Variants in TTN observed in about 807,000 individuals in gnomAD.
TTN encodes titin, also known as connectin.
TTN carries 1,525 observed loss-of-function variants against 3,223.0 expected under a neutral mutation model. The ratio of observed to expected loss-of-function variants is 0.47; its 90% CI spans 0.45 to 0.49. The LOEUF is 0.49. TTN is among the 20% of genes least tolerant of loss of function. TTN has a pLI of 0.00. For synonymous variants in TTN, 14,094 were observed against 15,161.0 expected (o/e 0.93, Z 5.17); for missense variants, 40,786 against 43,424.0 (o/e 0.94, Z 5.40).
rs745394428 is a variant in TTN, at chr2:178,789,353, T to C, written c.2076+7A>G. On this transcript the variant is annotated splice_region_variant and intron_variant, in intron 13 of 362. Transcript: ENST00000589042. ...GGGGATTTCACACTTGGAACAACAA[T>C]AGTCACCTTTCCATGGGTAACTTGG... The C allele has an allele frequency of 3.7e-6, 6 of 1,613,158 alleles. No individual in the cohort carries two copies. The highest frequency in any genetic ancestry group is 3.3e-4 in the Middle Eastern group (2 of 6,042).
chr2:178,607,209 C>G lies in TTN; in HGVS notation c.53393G>C (p.Gly17798Ala). 1 of 1,612,904 alleles carries G rather than the reference C, an allele frequency of 6.2e-7. No homozygotes were observed. The highest frequency in any genetic ancestry group is 8.5e-7 in the Non-Finnish European group (1 of 1,179,288). ...GGCATCTTTTCTTTCAATGATAAAGCCTGTTATTTCACTTCCTCCATCATC... is the reference window on the plus strand; with the variant it reads ...GGCATCTTTTCTTTCAATGATAAAGGCTGTTATTTCACTTCCTCCATCATC... ...PEDDGGSEIT[G>A]FIIERKDAKM... The change falls in exon 278 of 363, where the codon GGC becomes GCC. Residue 17798 changes from glycine (G) to alanine (A), a missense_variant. Transcript: ENST00000589042.
chr2:178,551,783 T>G lies in TTN; in HGVS notation c.91117A>C (p.Lys30373Gln). The change falls in exon 335 of 363, where the codon AAA (lysine) becomes CAA (glutamine). Residue 30373 changes from lysine to glutamine, a missense_variant. Coordinates refer to ENST00000589042, the MANE Select transcript of TTN (RefSeq NM_001267550.2). ...CCAGAGATTGGTGATGTATTAACTT[T>G]TTGCCAGAGGATGCTATTTCTTTCT... is the stretch of plus-strand genomic sequence containing the variant. ...KKERNSILWQ[K>Q]VNTSPISGRE... 6.2e-7 allele frequency: 1 copy of G among 1,613,856 alleles called. No homozygotes were observed. The highest frequency in any genetic ancestry group is 1.1e-5 in the South Asian group (1 of 91,080).
At chr2:178,800,091 C>A (rs1001692415) in intron 4 of TTN, among the ~76,000 whole-genome samples, 181 bp from the exon 5 acceptor site, 1 of 152,186 alleles carries the variant, frequency 6.6e-6, no homozygotes, top group African/African-American at 2.4e-5. Context: ...ATGTTCATTA[C>A]AAGATAAAAA....
In TTN at chr2:178,728,676, T is replaced by G; in HGVS notation, c.19250A>C (p.Lys6417Thr). Residue 6417 changes from lysine (K) to threonine (T), a missense_variant, in exon 66 of 363, where the codon AAA becomes ACA. Physicochemically the swap from Lys to Thr is moderately conservative, Grantham distance 78. Transcript: ENST00000589042. ...TATTTGTTTCCCGTCTTTAAGCCAT[T>G]TCACTTTGAGTTCTGGTGTTCCAGC... ...VVAGTPELKV[K>T]WLKDGKQIVP... is the part of the protein sequence containing the mutation. 1 of 1,613,426 alleles carries G rather than the reference T, an allele frequency of 6.2e-7. No individual in the cohort carries two copies. Among genetic ancestry groups the G allele is most frequent in the Non-Finnish European group, 8.5e-7 (1 of 1,179,572 alleles).
chr2:178,768,776 C>A lies in TTN; in HGVS notation c.9060G>T (p.Lys3020Asn), dbSNP rs2090976989. The A allele has an allele frequency of 6.2e-7, 1 of 1,614,098 alleles. No homozygotes were observed. ...TCCTGATGTTCAGTGAGTGTGTGAG[C>A]TTTTTGGTTCTCATCTGGCACTTGT... is the stretch of plus-strand genomic sequence containing the variant. ...STDKCQMRTK[K>N]LTHSLNIRNV... Residue 3020 changes from lysine to asparagine, a missense_variant, in exon 38 of 363, where the codon AAG becomes AAT. By Grantham distance (94) the Lys-to-Asn change is moderately conservative (BLOSUM62 0). Coordinates refer to ENST00000589042, the MANE Select transcript of TTN (RefSeq NM_001267550.2).
At chr2:178,677,408 G>A (rs2068342873) in intron 146 of TTN, 121 bp from the exon 147 acceptor site, 1 of 599,864 alleles carries the variant, frequency 1.7e-6, no homozygotes, top group Non-Finnish European at 2.4e-6. Flanking sequence ...AACATAATAT[G>A]TGATTTGAAA....
intron 40 of TTN, 40 bp downstream of exon 40, chr2:178,767,719 T>C: frequency 6.2e-7 from 1 of 1,608,526 alleles, no homozygotes; most frequent in Non-Finnish European, 8.5e-7. Context: ...GATTATGGAC[T>C]ACTGATGATT....
chr2:178,547,791 T>C lies in TTN; in HGVS notation c.93835A>G (p.Met31279Val), dbSNP rs765117891. The change falls in exon 339 of 363, where the codon ATG becomes GTG. Residue 31279 changes from methionine to valine, a missense_variant. By Grantham distance (21) the Met-to-Val change is conservative. Transcript: ENST00000589042. ...AAGTATCTTCCAGAGTCACCTCTCA[T>C]GCTGTCCTTTACAGTCAGTGTGGTT... is the stretch of plus-strand genomic sequence containing the variant. ...DRTTLTVKDS[M>V]RGDSGRYFLT... 12 of 1,613,822 alleles carry C rather than the reference T, an allele frequency of 7.4e-6. No individual in the cohort carries two copies. Among genetic ancestry groups the C allele is most frequent in the African/African-American group, 1.3e-5 (1 of 74,938 alleles).
intron 106 of TTN, 122 bp downstream of exon 106, chr2:178,704,025 T>C: frequency 1.6e-6 from 2 of 1,274,588 alleles, no homozygotes; most frequent in Non-Finnish European, 2.1e-6. Context: ...AGAACGTGTG[T>C]TGGGAAATAA....
At chr2:178,703,235 T>C (rs1577685238) in intron 106 of TTN, among the ~76,000 whole-genome samples, 1 of 152,182 alleles carries the variant, frequency 6.6e-6, no homozygotes, top group African/African-American at 2.4e-5. Context: ...GAGTGCTTTC[T>C]AGAAGAGGCT....
At chr2:178,612,685 G>A in intron 265 of TTN, 88 bp downstream of exon 265, 1 of 1,531,510 alleles carries the variant, frequency 6.5e-7, no homozygotes, top group African/African-American at 1.4e-5. Context: ...GGAAATAATA[G>A]TAATGAATTT....
chr2:178,619,950 T>C (rs767380522), intron 249 of TTN, 38 bp downstream of exon 249: 47 of 1,595,178 alleles, frequency 2.9e-5, no homozygotes, highest in Non-Finnish European at 3.7e-5. Flanking sequence ...TTTTAAAAAA[T>C]TGGTAACATT....
chr2:178,727,946 A>T, intron 67 of TTN, 83 bp from the exon 68 acceptor site: 1 of 1,446,914 alleles, frequency 6.9e-7, no homozygotes, highest in South Asian at 1.5e-5. Flanking sequence ...TTAAGAAAAC[A>T]CTCTTGGAAA....
Position 178,695,396 on chromosome 2 carries a change from TTC to T in TTN, c.31220_31221del (p.Arg10407LysfsTer8). On this transcript the variant is annotated frameshift_variant, in exon 115 of 363. Transcript: ENST00000589042. LOFTEE classifies it high-confidence loss of function. ...TTTTCAGGTACTTTGGCTGGAACTT[TTC>T]TCTCATGTGATTCTGAAATAAAAAC... ...QKEVYEESHE[R>X]KVPAKVPEKK... The T allele has an allele frequency of 6.2e-7, 1 of 1,612,334 alleles. No individual in the cohort carries two copies. Among genetic ancestry groups the T allele is most frequent in the Non-Finnish European group, 8.5e-7 (1 of 1,178,710 alleles).
chr2:178,575,652 A>T lies in TTN; in HGVS notation c.70480T>A (p.Tyr23494Asn). 6.2e-7 allele frequency: 1 copy of T among 1,613,596 alleles called. No homozygotes were observed. Among genetic ancestry groups the T allele is most frequent in the Non-Finnish European group, 8.5e-7 (1 of 1,179,650 alleles). ...CCTTCAGACAAGCCGGTAACTTTAT[A>T]TGTGCATTTATGGCACTTAGTGGTG... ...TATTKCHKCT[Y>N]KVTGLSEGCE... Residue 23494 changes from tyrosine (Y) to asparagine (N), a missense_variant, in exon 326 of 363, where the codon TAT becomes AAT. Coordinates refer to ENST00000589042, the MANE Select transcript of TTN (RefSeq NM_001267550.2). The surrounding 1 kb of genome is among the most constrained non-coding windows in gnomAD (Gnocchi z 4.0).
Position 178,670,306 on chromosome 2 carries a change from A to G in TTN, c.35309-11T>C, listed in dbSNP as rs958140822. On this transcript the variant is annotated splice_polypyrimidine_tract_variant and intron_variant, in intron 156 of 362. Transcript: ENST00000589042. ...TAGGCACCTCCGGTACTTTAAAGAT[A>G]ATAGTAATAATTTCTTTTATTTTTA... The G allele has an allele frequency of 7.2e-7, 1 of 1,386,840 alleles. No homozygotes were observed. The allele number at this position is 1,386,840 out of a possible 1,614,324, so 85.9% of individuals were successfully genotyped here.
rs1296392570 is a variant in TTN, at chr2:178,598,978, T to C, written c.56732A>G (p.Asp18911Gly). The C allele has an allele frequency of 4.3e-6, 7 of 1,612,080 alleles. No individual in the cohort carries two copies. The highest frequency in any genetic ancestry group is 5.9e-6 in the Non-Finnish European group (7 of 1,179,210). The stretch of plus-strand genomic sequence containing the variant: ...GTACCCTGTCACAGGAGAGCCTCCA[T>C]CATATTCTGGCTCTTCCCAGTTGAC... ...MTVNWEEPEY[D>G]GGSPVTGYWL... Residue 18911 changes from aspartate (D) to glycine (G), a missense_variant, in exon 291 of 363, where the codon GAT (aspartate) becomes GGT (glycine). Physicochemically the swap from Asp to Gly is moderately conservative, Grantham distance 94 (BLOSUM62 -1). Transcript: ENST00000589042.
rs1276281571 is a variant in TTN, at chr2:178,563,461, C to G, written c.82671G>C (p.Glu27557Asp). 1 of 1,613,520 alleles carries G rather than the reference C, an allele frequency of 6.2e-7. No homozygotes were observed. Among genetic ancestry groups the G allele is most frequent in the African/African-American group, 1.3e-5 (1 of 74,900 alleles). The change falls in exon 326 of 363, where the codon GAG (glutamate) becomes GAC (aspartate). Residue 27557 changes from glutamate to aspartate, a missense_variant. Transcript: ENST00000589042. The surrounding 1 kb of genome is among the most constrained non-coding windows in gnomAD (Gnocchi z 4.5). ...ENAAGVGEPSEPSVFYRACDA... is the reference protein window; with the variant it reads ...ENAAGVGEPSDPSVFYRACDA... The stretch of plus-strand genomic sequence containing the variant: ...CACACGCACGGTAGAAAACAGATGG[C>G]TCACTAGGTTCTCCCACACCAGCTG...
At chr2:178,702,005 T>C (rs1193395814) in intron 109 of TTN, 35 bp downstream of exon 109, 1 of 1,601,146 alleles carries the variant, frequency 6.2e-7, no homozygotes, top group Non-Finnish European at 8.5e-7. Context: ...CCAAATTTAT[T>C]GTAAGCAAGG....
Sources: allele counts gnomAD v4.1 joint callset (sites outside exome capture counted in the v4.1 genomes callset), GRCh38; gene constraint gnomAD v4.1.1; non-coding constraint Gnocchi (gnomAD v3.1); transcripts MANE v1.5; gene names NCBI Gene and HGNC (gene_info 2026-07-23, HGNC 2026-07-21).